The following RUNX2 variants were observed in gnomAD, a reference collection of about 807,000 sequenced individuals.
RUNX2 encodes runt-related transcription factor 2.
Under a neutral mutation model 51.7 loss-of-function variants are expected in RUNX2, and 10 were observed. The ratio of observed to expected loss-of-function variants is 0.19; its 90% CI spans 0.12 to 0.33. The LOEUF is 0.33. Among genes scored for constraint, RUNX2 ranks in the 10% least tolerant of loss-of-function variants. The pLI is 1.00. For synonymous variants in RUNX2, 276 were observed against 273.6 expected, an observed-to-expected ratio of 1.01 and a Z score of -0.09; for missense variants, 562 against 691.3, an observed-to-expected ratio of 0.81 and a Z score of 2.10.
intron 7 of RUNX2, among the ~76,000 whole-genome samples, chr6:45,540,231 G>T (rs1302870356): frequency 6.6e-6 from 1 of 152,198 alleles, no homozygotes; most frequent in Non-Finnish European, 1.5e-5. Flanking sequence ...GAATTGCTCA[G>T]ATATGCTTTT....
chr6:45,462,688 G>T (rs141227380), intron 5 of RUNX2, among the ~76,000 whole-genome samples: 4 of 152,302 alleles, frequency 2.6e-5, no homozygotes, highest in Non-Finnish European at 4.4e-5. Flanking sequence ...GGGTTTTAAA[G>T]CACATGTTCA....
chr6:45,404,259 C>CAA (rs34529128), intron 2 of RUNX2, among the ~76,000 whole-genome samples: 3,717 of 27,492 alleles, frequency 0.14, 339 homozygotes, highest in South Asian at 0.22. Context: ...GACTCTGTCT[C>CAA]AAAAAAAAAA....
At chr6:45,408,234 C>T (rs1252908551) in intron 2 of RUNX2, among the ~76,000 whole-genome samples, 3 of 151,254 alleles carry the variant, frequency 2.0e-5, no homozygotes, top group Non-Finnish European at 1.5e-5. Flanking sequence ...GGCATGGAGG[C>T]CAGGAGATTT....
At chr6:45,427,412 A>G (rs1193528611) in intron 3 of RUNX2, among the ~76,000 whole-genome samples, 1 of 152,116 alleles carries the variant, frequency 6.6e-6, no homozygotes, top group East Asian at 1.9e-4. Context: ...TTTTAAAATT[A>G]TGAAATGACA....
chr6:45,535,442 A>C (rs1331812223), intron 7 of RUNX2, among the ~76,000 whole-genome samples: 2 of 152,018 alleles, frequency 1.3e-5, no homozygotes, highest in African/African-American at 4.8e-5. Flanking sequence ...ATCTCTACTA[A>C]AAATACAAAG....
chr6:45,340,435 C>A (rs1218928826), intron 2 of RUNX2, among the ~76,000 whole-genome samples: 3 of 151,926 alleles, frequency 2.0e-5, no homozygotes, highest in African/African-American at 7.2e-5. Flanking sequence ...GGGATCTTCC[C>A]GACTCAGCAT....
chr6:45,478,157 G>A (rs571785685), intron 5 of RUNX2, among the ~76,000 whole-genome samples: 1 of 152,012 alleles, frequency 6.6e-6, no homozygotes, highest in Non-Finnish European at 1.5e-5. Context: ...TTAATCTTTG[G>A]CTCCTCTTTG....
intron 4 of RUNX2, among the ~76,000 whole-genome samples, chr6:45,436,767 G>A (rs1436772632): frequency 6.6e-6 from 1 of 152,176 alleles, no homozygotes; most frequent in Non-Finnish European, 1.5e-5. Flanking sequence ...GCTTTGAAAA[G>A]ACTGCATTAA....
intron 5 of RUNX2, among the ~76,000 whole-genome samples, chr6:45,440,800 C>G: frequency 6.6e-6 from 1 of 151,950 alleles, no homozygotes; most frequent in East Asian, 1.9e-4. Flanking sequence ...TAAATAATTT[C>G]GTGGAAGAAA....
chr6:45,505,095 C>T (rs902587176), intron 6 of RUNX2, among the ~76,000 whole-genome samples: 1 of 152,174 alleles, frequency 6.6e-6, no homozygotes, highest in African/African-American at 2.4e-5. Flanking sequence ...GACTTGTTTC[C>T]TCCCGTCTGC....
Position 45,401,988 on chromosome 6 carries a change from G to A in RUNX2, c.59-20605G>A, listed in dbSNP as rs142164017. ...GTCTTGGGTTCTAGAGTTACTACTAGGATATCAGGAAACGTCCCATTCGAC... is the reference window on the plus strand; with the variant it reads ...GTCTTGGGTTCTAGAGTTACTACTAAGATATCAGGAAACGTCCCATTCGAC... On this transcript the variant is annotated intron_variant, in intron 2 of 8. Transcript: ENST00000647337. Among the ~76,000 whole-genome samples, 223 of 152,298 alleles carry A rather than the reference G, an allele frequency of 1.5e-3. 1 individual carries two copies. Among genetic ancestry groups the A allele is most frequent in the Middle Eastern group, 0.014 (4 of 294 alleles).
chr6:45,495,538 A>G (rs995319411), intron 6 of RUNX2, among the ~76,000 whole-genome samples: 1 of 152,202 alleles, frequency 6.6e-6, no homozygotes, highest in Non-Finnish European at 1.5e-5. Context: ...GCAATATGCC[A>G]TATCTGCATT....
At chr6:45,495,973 C>T (rs1038436973) in intron 6 of RUNX2, among the ~76,000 whole-genome samples, 10 of 152,214 alleles carry the variant, frequency 6.6e-5, no homozygotes, top group African/African-American at 2.4e-4. Context: ...TCTTTAATGG[C>T]TGATGTTCAG....
intron 2 of RUNX2, among the ~76,000 whole-genome samples, chr6:45,396,854 C>T (rs888445324): frequency 2.0e-5 from 3 of 152,142 alleles, no homozygotes; most frequent in African/African-American, 7.2e-5. Context: ...CTTTATATCA[C>T]TGAATAACAA....
chr6:45,366,308 G>A (rs1051161388), intron 2 of RUNX2, among the ~76,000 whole-genome samples: 2 of 152,256 alleles, frequency 1.3e-5, no homozygotes, highest in African/African-American at 4.8e-5. Flanking sequence ...TCCCAGCTCC[G>A]CTCCTTTGCT....
In RUNX2 at chr6:45,550,025, C is replaced by T. The variant is rs1474930155; in HGVS notation, c.*2720C>T. The T allele has an allele frequency of 6.7e-6, 1 of 149,158 alleles. No homozygotes were observed. The highest frequency in any genetic ancestry group is 1.5e-5 in the Non-Finnish European group (1 of 67,352). The allele number at this position is 149,158 out of a possible 1,614,324, so 9.2% of individuals were successfully genotyped here. ...TTCTTTTTTTTTTTTTTTCACTGAA[C>T]CCTTAATTTGCACTGGGTCATGTGT... On this transcript the variant is annotated 3_prime_UTR_variant, in exon 9 of 9. Transcript: ENST00000647337.
intron 5 of RUNX2, 151 bp from the exon 6 acceptor site, chr6:45,491,790 A>G (rs551557521): frequency 7.3e-6 from 6 of 819,990 alleles, no homozygotes; most frequent in Non-Finnish European, 1.2e-5. Flanking sequence ...GCAATTTGAA[A>G]TGGAAGGCAT....
At chr6:45,369,448 T>C (rs1449741321) in intron 2 of RUNX2, among the ~76,000 whole-genome samples, 1 of 152,192 alleles carries the variant, frequency 6.6e-6, no homozygotes, top group Non-Finnish European at 1.5e-5. Context: ...ATACTAATTA[T>C]TTTTGTTGAA....
chr6:45,439,576 G>A (rs2150372957), intron 5 of RUNX2, among the ~76,000 whole-genome samples: 1 of 152,300 alleles, frequency 6.6e-6, no homozygotes, highest in Middle Eastern at 3.4e-3. Context: ...TTAAAATGTA[G>A]CACCGCTAAT....
Sources: gnomAD v4.1 joint callset for allele counts (sites outside exome capture counted in the v4.1 genomes callset) on GRCh38, gnomAD v4.1.1 for gene constraint, MANE v1.5 for transcripts, NCBI Gene and HGNC (gene_info 2026-07-23, HGNC 2026-07-21) for gene names.